Variants in KAZN observed in about 807,000 individuals in gnomAD.
KAZN encodes the protein kazrin, periplakin interacting protein.
A neutral mutation model predicts 87.4 loss-of-function variants in KAZN; 40 were observed. That is an observed-to-expected ratio of 0.46 (90% confidence interval 0.36 to 0.60). The LOEUF (loss-of-function observed/expected upper bound fraction) is 0.60. Ranked by LOEUF, KAZN falls within the 20% of genes least tolerant of loss-of-function variation. The pLI is 0.00. For missense variants in KAZN, 898 were observed against 1,073.9 expected (o/e 0.84, Z 2.29); for synonymous variants, 466 against 458.3 (o/e 1.02, Z -0.22).
At chr1:15,030,000 C>T (rs1202576679) in intron 2 of KAZN, among the ~76,000 whole-genome samples, 4 of 152,186 alleles carry the variant, frequency 2.6e-5, no homozygotes, top group Non-Finnish European at 4.4e-5. Context: ...CTCTCCAGCC[C>T]GCCAGCATGA....
intron 1 of KAZN, among the ~76,000 whole-genome samples, chr1:14,828,024 G>C (rs1260349892): frequency 1.3e-5 from 2 of 152,206 alleles, no homozygotes; most frequent in African/African-American, 4.8e-5. Flanking sequence ...TTAAGCCAGA[G>C]ATGACAAATA....
intron 2 of KAZN, among the ~76,000 whole-genome samples, chr1:14,417,921 G>A (rs1487022152): frequency 2.8e-5 from 4 of 140,380 alleles, no homozygotes; most frequent in Non-Finnish European, 6.1e-5. Context: ...GCGTGAACCC[G>A]GGAAGCAGAG....
At chr1:14,385,859 G>C (rs901038228) in intron 2 of KAZN, among the ~76,000 whole-genome samples, 17 of 147,330 alleles carry the variant, frequency 1.2e-4, no homozygotes, top group Admixed American at 2.0e-4. Context: ...TTCAATTCCT[G>C]GGTATCCTTG....
At chr1:14,352,911 GAA>G in intron 2 of KAZN, among the ~76,000 whole-genome samples, 1 of 152,158 alleles carries the variant, frequency 6.6e-6, no homozygotes, top group African/African-American at 2.4e-5. Context: ...CCAATTAAAA[GAA>G]AAATAGATTA....
At chr1:14,450,930 G>A (rs138608517) in intron 2 of KAZN, among the ~76,000 whole-genome samples, 2 of 152,092 alleles carry the variant, frequency 1.3e-5, no homozygotes, top group African/African-American at 2.4e-5. Flanking sequence ...TCATCCTCTC[G>A]GTGCTGTCCT....
intron 2 of KAZN, among the ~76,000 whole-genome samples, chr1:14,204,441 T>A (rs1646698499): frequency 6.6e-6 from 1 of 152,358 alleles, no homozygotes; most frequent in South Asian, 2.1e-4. Flanking sequence ...AAACTGCTAA[T>A]GTCTTTACTT....
At chr1:14,311,079 T>C (rs1027277483) in intron 2 of KAZN, among the ~76,000 whole-genome samples, 5 of 152,222 alleles carry the variant, frequency 3.3e-5, no homozygotes, top group African/African-American at 1.2e-4. Context: ...TGAAAGCCTT[T>C]GGTAACTGTG....
At chr1:14,083,736 G>A (rs1339443924) in intron 1 of KAZN, among the ~76,000 whole-genome samples, 1 of 152,206 alleles carries the variant, frequency 6.6e-6, no homozygotes, top group African/African-American at 2.4e-5. Context: ...AACCCAGTGT[G>A]ATTGGAAATG....
rs560854491 is a variant in KAZN, at chr1:14,766,864, C to T, written c.226+167641C>T. Among the ~76,000 whole-genome samples the T allele has an allele frequency of 3.9e-5, 6 of 152,062 alleles. No homozygotes were observed. The East Asian group carries it at 1.2e-3, about 29-fold the overall frequency. ...GGTATCCTCAAGTGTCTCTCCCATG[C>T]GTTCACATACAGTAAACATTCAGTG... On this transcript the variant is annotated intron_variant, in intron 1 of 14. Coordinates refer to ENST00000376030, the MANE Select transcript of KAZN (RefSeq NM_201628.3).
At chr1:14,554,232 A>G (rs1473418830) in intron 2 of KAZN, among the ~76,000 whole-genome samples, 1 of 151,918 alleles carries the variant, frequency 6.6e-6, no homozygotes, top group African/African-American at 2.4e-5. Context: ...GCACCCAATA[A>G]AAGTCGGTCT....
intron 1 of KAZN, among the ~76,000 whole-genome samples, chr1:14,699,615 G>A (rs1156746915): frequency 6.6e-6 from 1 of 152,178 alleles, no homozygotes; most frequent in East Asian, 1.9e-4. Context: ...GAGAAAGAGA[G>A]CGATGAGGAG....
chr1:15,095,438 G>C (rs566359190), intron 10 of KAZN, among the ~76,000 whole-genome samples: 50 of 152,296 alleles, frequency 3.3e-4, no homozygotes, highest in African/African-American at 1.2e-3. Context: ...GCATACCTGG[G>C]ATGGCTGCAG....
At chr1:14,463,779 G>A (rs1002992641) in intron 2 of KAZN, among the ~76,000 whole-genome samples, 2 of 152,068 alleles carry the variant, frequency 1.3e-5, no homozygotes, top group African/African-American at 2.4e-5. Context: ...AAAATGTGGG[G>A]TACATATCAG....
chr1:14,926,503 G>A (rs953994710), intron 1 of KAZN, among the ~76,000 whole-genome samples: 3 of 152,186 alleles, frequency 2.0e-5, no homozygotes, highest in Non-Finnish European at 4.4e-5. Context: ...TCACTGGCAT[G>A]AAACAAGATC....
At chr1:13,905,142 C>A (rs1557711223) in intron 1 of KAZN, among the ~76,000 whole-genome samples, 2 of 152,244 alleles carry the variant, frequency 1.3e-5, no homozygotes, top group South Asian at 4.1e-4. Context: ...GTCTCTCTTG[C>A]TCTTGATCAT....
chr1:14,032,641 T>C (rs1641377769), intron 1 of KAZN, among the ~76,000 whole-genome samples: 1 of 152,198 alleles, frequency 6.6e-6, no homozygotes, highest in African/African-American at 2.4e-5. Flanking sequence ...AGAGTGATTG[T>C]TCTGAATTTC....
intron 1 of KAZN, among the ~76,000 whole-genome samples, chr1:14,786,387 G>C (rs1017185954): frequency 1.3e-5 from 2 of 152,112 alleles, no homozygotes; most frequent in Non-Finnish European, 2.9e-5. Context: ...TTTGCATATG[G>C]CATTGGAGCC....
chr1:14,580,653 A>T (rs1003817927), intron 2 of KAZN, among the ~76,000 whole-genome samples: 1 of 152,062 alleles, frequency 6.6e-6, no homozygotes, highest in Non-Finnish European at 1.5e-5. Flanking sequence ...GAGAAAAGGG[A>T]CTAACATTTA....
At chr1:14,584,570 C>T (rs1271881891) in intron 2 of KAZN, among the ~76,000 whole-genome samples, 1 of 152,194 alleles carries the variant, frequency 6.6e-6, no homozygotes, top group African/African-American at 2.4e-5. Context: ...ATGTGATGGG[C>T]CGAAGTGTAC....
Sources: gnomAD v4.1 joint callset for allele counts (sites outside exome capture counted in the v4.1 genomes callset) on GRCh38, gnomAD v4.1.1 for gene constraint, MANE v1.5 for transcripts, NCBI Gene and HGNC (gene_info 2026-07-23, HGNC 2026-07-21) for gene names.